Variants in PLG observed in about 807,000 individuals in gnomAD.
PLG encodes the protein plasminogen.
In PLG, 41 loss-of-function variants were observed where a neutral mutation model predicts 104.4. The ratio of observed to expected loss-of-function variants is 0.39; its 90% CI spans 0.31 to 0.51. The LOEUF (loss-of-function observed/expected upper bound fraction) is 0.51, where lower values mean the gene tolerates loss of function less well. PLG is among the 20% of genes least tolerant of loss of function. The pLI, the probability that PLG is intolerant of heterozygous loss-of-function variation, is 0.76. For synonymous variants in PLG, 337 were observed against 357.1 expected (o/e 0.94, Z 0.63); for missense variants, 891 against 1,003.6 (o/e 0.89, Z 1.52).
intron 1 of PLG, among the ~76,000 whole-genome samples, chr6:160,704,955 A>T (rs565373971): frequency 6.6e-6 from 1 of 152,156 alleles, no homozygotes; most frequent in Non-Finnish European, 1.5e-5. Flanking sequence ...GCAGTGTGTC[A>T]TCTTTCAGAA....
chr6:160,733,273 A>C (rs1038305012), intron 12 of PLG, among the ~76,000 whole-genome samples: 1 of 152,146 alleles, frequency 6.6e-6, no homozygotes, highest in South Asian at 2.1e-4. Flanking sequence ...ATGTTTCTGA[A>C]TCAACAGCAA....
Position 160,718,848 on chromosome 6 carries a change from G to T in PLG, c.1096+10G>T, listed in dbSNP as rs1777788157. 1 of 1,612,806 alleles carries T rather than the reference G, an allele frequency of 6.2e-7. No individual in the cohort carries two copies. Among genetic ancestry groups the T allele is most frequent in the Non-Finnish European group, 8.5e-7 (1 of 1,178,986 alleles). ...CAATTGGCTCCCACAGGTAAGCAAG[G>T]GTATGGGAGCTTACTGAGGGCCCAA... On this transcript the variant is annotated intron_variant, in intron 9 of 18. Transcript: ENST00000308192.
chr6:160,719,568 C>T lies in PLG; in HGVS notation c.1096+730C>T, dbSNP rs1158394312. 1.3e-5 allele frequency among the ~76,000 whole-genome samples: 2 copies of T among 152,160 alleles called. No individual in the cohort carries two copies. The highest frequency in any genetic ancestry group is 2.9e-5 in the Non-Finnish European group (2 of 68,002). On this transcript the variant is annotated intron_variant, in intron 9 of 18. Coordinates refer to ENST00000308192, the MANE Select transcript of PLG (RefSeq NM_000301.5). This position sits in a 1 kb window ranked among gnomAD's most constrained non-coding sequence, Gnocchi z 4.1. Reference sequence around the variant, plus strand: ...ATCTACCATCAAGTTAGTTATTTCTCTTTGTCCCATTTAAACTTTGTTCCT... The same window carrying T: ...ATCTACCATCAAGTTAGTTATTTCTTTTTGTCCCATTTAAACTTTGTTCCT...
intron 12 of PLG, among the ~76,000 whole-genome samples, chr6:160,733,690 A>G (rs910476990): frequency 6.6e-6 from 1 of 151,732 alleles, no homozygotes; most frequent in African/African-American, 2.4e-5. Context: ...AAATAGAAAA[A>G]AAAATTAGCC....
At position 160,741,317 on chromosome 6, in the gene PLG, C is replaced by A. The variant is rs370325463; in HGVS notation, c.2025C>A (p.Ala675=). ...GCTGATGCTTTTCTTTCAGTCCTGC[C>A]GTCATCACTGACAAAGTAATCCCAG... The part of the protein sequence containing the change: ...DIALLKLSSP[A]VITDKVIPAC... Residue 675 remains alanine (A), a synonymous_variant, in exon 17 of 19, where the codon GCC becomes GCA. Coordinates refer to ENST00000308192, the MANE Select transcript of PLG (RefSeq NM_000301.5). The surrounding 1 kb of genome is among the most constrained non-coding windows in gnomAD (Gnocchi z 4.7). 41 of 1,594,342 alleles carry A rather than the reference C, an allele frequency of 2.6e-5. No homozygotes were observed. The highest frequency in any genetic ancestry group is 1.5e-4 in the Admixed American group (9 of 59,986).
intron 3 of PLG, 94 bp from the exon 4 acceptor site, chr6:160,710,983 T>C (rs1224953618): frequency 6.3e-6 from 7 of 1,111,516 alleles, no homozygotes; most frequent in Non-Finnish European, 9.6e-6. Flanking sequence ...GGGGGTCTGG[T>C]GCATGAGATC....
At position 160,739,118 on chromosome 6, in the gene PLG, T is replaced by C; in HGVS notation, c.1928T>C (p.Val643Ala). ...GTCATCCTGGGTGCACACCAAGAAGTGAATCTCGAACCGCATGTTCAGGAA... is the reference window on the plus strand; with the variant it reads ...GTCATCCTGGGTGCACACCAAGAAGCGAATCTCGAACCGCATGTTCAGGAA... ...YKVILGAHQE[V>A]NLEPHVQEIE... Residue 643 changes from valine (V) to alanine (A), a missense_variant, in exon 16 of 19, where the codon GTG (valine) becomes GCG (alanine). Val to Ala is a moderately conservative substitution (Grantham distance 64). Transcript: ENST00000308192. This position sits in a 1 kb window ranked among gnomAD's most constrained non-coding sequence, Gnocchi z 4.4. 1 of 1,614,002 alleles carries C rather than the reference T, an allele frequency of 6.2e-7. No individual in the cohort carries two copies.
chr6:160,731,667 C>A lies in PLG; in HGVS notation c.1439-78C>A. On this transcript the variant is annotated intron_variant, in intron 11 of 18. Transcript: ENST00000308192. The surrounding 1 kb of genome is among the most constrained non-coding windows in gnomAD (Gnocchi z 5.1). ...CCCTGATTCTGTCATCCTAGAGAAACCTGACATGACTGTATTGATTCCATA... is the reference window on the plus strand; with the variant it reads ...CCCTGATTCTGTCATCCTAGAGAAAACTGACATGACTGTATTGATTCCATA... 7.1e-7 allele frequency: 1 copy of A among 1,402,890 alleles called. No homozygotes were observed. The highest frequency in any genetic ancestry group is 1.0e-6 in the Non-Finnish European group (1 of 988,270). The allele number at this position is 1,402,890 out of a possible 1,614,324, so 86.9% of individuals were successfully genotyped here.
chr6:160,723,095 GTA>G lies in PLG; in HGVS notation c.1256+536_1256+537del, dbSNP rs1443650193. On this transcript the variant is annotated intron_variant, in intron 10 of 18. Coordinates refer to ENST00000308192, the MANE Select transcript of PLG (RefSeq NM_000301.5). This position sits in a 1 kb window ranked among gnomAD's most constrained non-coding sequence, Gnocchi z 4.7. ...ATATACAAGTATACATATATAGTGTGTATATATATGTACACATATATGTGTGT... is the reference window on the plus strand; with the variant it reads ...ATATACAAGTATACATATATAGTGTGTATATATGTACACATATATGTGTGT... 2.0e-5 allele frequency among the ~76,000 whole-genome samples: 3 copies of G among 150,574 alleles called. No individual in the cohort carries two copies. Among genetic ancestry groups the G allele is most frequent in the South Asian group, 2.1e-4 (1 of 4,792 alleles).
chr6:160,731,614 C>G lies in PLG; in HGVS notation c.1439-131C>G, dbSNP rs1184962445. The G allele has an allele frequency of 1.8e-5, 16 of 868,888 alleles. No homozygotes were observed. Among genetic ancestry groups the G allele is most frequent in the Middle Eastern group, 2.7e-4 (1 of 3,676 alleles). The allele number at this position is 868,888 out of a possible 1,614,324, so 53.8% of individuals were successfully genotyped here. A position where few individuals can be genotyped will look rare whatever the true frequency, so the allele number is the denominator to read the frequency against. ...GGTAGGCAGCGTTCATTGCAGTCTT[C>G]AGCATTGCAGTTTCTGAGGAATGTG... On this transcript the variant is annotated intron_variant, in intron 11 of 18. Coordinates refer to ENST00000308192, the MANE Select transcript of PLG (RefSeq NM_000301.5). The surrounding 1 kb of genome is among the most constrained non-coding windows in gnomAD (Gnocchi z 5.1).
intron 6 of PLG, 85 bp downstream of exon 6, chr6:160,714,999 C>A: frequency 7.2e-7 from 1 of 1,396,190 alleles, no homozygotes; most frequent in Non-Finnish European, 1.0e-6. Flanking sequence ...GATATTTTAG[C>A]ATTCCTCAAG....
At chr6:160,722,760 T>C (rs1016967321) in intron 10 of PLG, among the ~76,000 whole-genome samples, 193 bp downstream of exon 10, 1 of 152,170 alleles carries the variant, frequency 6.6e-6, no homozygotes, top group African/African-American at 2.4e-5. Context: ...GCTGGCTATT[T>C]TTCCTGAGTA....
chr6:160,717,960 T>C (rs987202449), intron 7 of PLG, among the ~76,000 whole-genome samples: 6 of 152,148 alleles, frequency 3.9e-5, no homozygotes, highest in Admixed American at 3.9e-4. Context: ...TTTAAAATTA[T>C]TCATTGTAGG....
At chr6:160,716,142 A>G (rs529931329) in intron 6 of PLG, among the ~76,000 whole-genome samples, 1 of 152,372 alleles carries the variant, frequency 6.6e-6, no homozygotes, top group Admixed American at 6.5e-5. Flanking sequence ...TCTGTTAGGT[A>G]CTAGATGAGT....
At position 160,732,105 on chromosome 6, in the gene PLG, T is replaced by A. The variant is rs1157761710; in HGVS notation, c.1587+212T>A. On this transcript the variant is annotated intron_variant, in intron 12 of 18. Transcript: ENST00000308192. The surrounding 1 kb of genome is among the most constrained non-coding windows in gnomAD (Gnocchi z 4.5). ...TACAAGCAGCACAGGCCAGGAAACCTCCACACATGTGAGGGTTCTCAGGCC... is the reference window on the plus strand; with the variant it reads ...TACAAGCAGCACAGGCCAGGAAACCACCACACATGTGAGGGTTCTCAGGCC... Among the ~76,000 whole-genome samples the A allele has an allele frequency of 6.6e-6, 1 of 152,202 alleles. No individual in the cohort carries two copies. The highest frequency in any genetic ancestry group is 1.5e-5 in the Non-Finnish European group (1 of 68,040).
In PLG at chr6:160,719,639, T is replaced by G. The variant is rs1777797872; in HGVS notation, c.1096+801T>G. ...TCATTTAGATTGAGTTTATCTCCAC[T>G]ACTCACTTAGTAAATTAATTTTTAA... On this transcript the variant is annotated intron_variant, in intron 9 of 18. Coordinates refer to ENST00000308192, the MANE Select transcript of PLG (RefSeq NM_000301.5). This position sits in a 1 kb window ranked among gnomAD's most constrained non-coding sequence, Gnocchi z 4.1. 1.3e-5 allele frequency among the ~76,000 whole-genome samples: 2 copies of G among 152,212 alleles called. No individual in the cohort carries two copies. The highest frequency in any genetic ancestry group is 4.8e-5 in the African/African-American group (2 of 41,464).
rs893342213 is a variant in PLG, at chr6:160,734,408, A to C, written c.1681+320A>C. ...CTAGCGTGGGATGCATGAAAAATTT[A>C]GAGTCATTCGGATGAAAAACTTTCC... is the stretch of plus-strand genomic sequence containing the variant. On this transcript the variant is annotated intron_variant, in intron 13 of 18. Transcript: ENST00000308192. This position sits in a 1 kb window ranked among gnomAD's most constrained non-coding sequence, Gnocchi z 4.4. Among the ~76,000 whole-genome samples, 1 of 152,212 alleles carries C rather than the reference A, an allele frequency of 6.6e-6. No individual in the cohort carries two copies. Among genetic ancestry groups the C allele is most frequent in the African/African-American group, 2.4e-5 (1 of 41,462 alleles).
At chr6:160,722,779 G>A (rs1273096681) in intron 10 of PLG, among the ~76,000 whole-genome samples, 2 of 152,148 alleles carry the variant, frequency 1.3e-5, no homozygotes, top group Admixed American at 6.5e-5. Flanking sequence ...TAGTTTTATG[G>A]ATGCAGGAGG....
At chr6:160,730,410 G>T (rs1777981473) in intron 10 of PLG, among the ~76,000 whole-genome samples, 1 of 152,232 alleles carries the variant, frequency 6.6e-6, no homozygotes, top group African/African-American at 2.4e-5. Context: ...TAGTTTCCCA[G>T]GGTGGCTTTG....
Sources: allele counts gnomAD v4.1 joint callset (sites outside exome capture counted in the v4.1 genomes callset), GRCh38; gene constraint gnomAD v4.1.1; non-coding constraint Gnocchi (gnomAD v3.1); transcripts MANE v1.5; gene names NCBI Gene and HGNC (gene_info 2026-07-23, HGNC 2026-07-21).